Variants in PSMD8 observed in about 807,000 individuals in gnomAD.
PSMD8 encodes 26S proteasome non-ATPase regulatory subunit 8.
A neutral mutation model predicts 40.0 loss-of-function variants in PSMD8; 30 were observed. The ratio of observed to expected loss-of-function variants is 0.75; its 90% CI spans 0.56 to 1.02. The LOEUF (loss-of-function observed/expected upper bound fraction) is 1.02. Among genes scored for constraint, PSMD8 ranks in the 50% least tolerant of loss-of-function variants. The pLI is 0.00. For missense variants in PSMD8, 461 were observed against 463.9 expected (o/e 0.99, Z 0.06); for synonymous variants, 208 against 192.5 (o/e 1.08, Z -0.67).
chr19:38,382,643 T>G, intron 6 of PSMD8: 1 of 313,652 alleles, frequency 3.2e-6, no homozygotes. Flanking sequence ...CCAAGGTGGA[T>G]CCTCCCACCT....
At position 38,383,600 on chromosome 19, in the gene PSMD8, G is replaced by A; in HGVS notation, c.*210G>A. The A allele has an allele frequency of 1.5e-6, 1 of 654,326 alleles. No individual in the cohort carries two copies. The highest frequency in any genetic ancestry group is 2.9e-5 in the East Asian group (1 of 34,020). 40.5% of individuals were successfully genotyped at this position (654,326 alleles called of 1,614,324 possible). A position where few individuals can be genotyped will look rare whatever the true frequency, so the allele number is the denominator to read the frequency against. On this transcript the variant is annotated 3_prime_UTR_variant, in exon 7 of 7. Transcript: ENST00000215071. Reference sequence around the variant, plus strand: ...ATAGCCTCCAACTGGGTCAGCCTCTGTCTGGTGGGCATTGCTCAGGGTCTC... The same window carrying A: ...ATAGCCTCCAACTGGGTCAGCCTCTATCTGGTGGGCATTGCTCAGGGTCTC...
At position 38,374,664 on chromosome 19, in the gene PSMD8, C is replaced by G; in HGVS notation, c.63C>G (p.Gly21=). Residue 21 remains glycine, a synonymous_variant, in exon 1 of 7, where the codon GGC becomes GGG. Coordinates refer to ENST00000215071, the MANE Select transcript of PSMD8 (RefSeq NM_002812.5). The part of the protein sequence containing the change: ...PPRERRRATR[G]GLRQVVAPPR... ...GAGAGCGACGGCGGGCTACCCGGGG[C>G]GGGCTGAGGCAGGTTGTAGCCCCGC... 2 of 1,522,110 alleles carry G rather than the reference C, an allele frequency of 1.3e-6. No individual in the cohort carries two copies. The highest frequency in any genetic ancestry group is 1.4e-5 in the African/African-American group (1 of 70,988). 94.3% of individuals were successfully genotyped at this position (1,522,110 alleles called of 1,614,324 possible). A position where few individuals can be genotyped will look rare whatever the true frequency, so the allele number is the denominator to read the frequency against.
chr19:38,376,446 T>C lies in PSMD8; in HGVS notation c.528T>C (p.Phe176=). ...TGGCCCAGCTCAAATGCTACTACTT[T>C]GATTACAAGTGAGAATGGGCCCTGC... ...RYMAQLKCYY[F]DYKEQLPESA... is the part of the protein sequence containing the mutation. Residue 176 remains phenylalanine, a synonymous_variant, in exon 3 of 7, where the codon TTT becomes TTC. Coordinates refer to ENST00000215071, the MANE Select transcript of PSMD8 (RefSeq NM_002812.5). 1.3e-6 allele frequency: 2 copies of C among 1,549,942 alleles called. No individual in the cohort carries two copies. Among genetic ancestry groups the C allele is most frequent in the Non-Finnish European group, 1.7e-6 (2 of 1,145,312 alleles).
At position 38,383,361 on chromosome 19, in the gene PSMD8, T is replaced by A; in HGVS notation, c.1024T>A (p.Tyr342Asn). 1 of 1,613,712 alleles carries A rather than the reference T, an allele frequency of 6.2e-7. No individual in the cohort carries two copies. The highest frequency in any genetic ancestry group is 8.5e-7 in the Non-Finnish European group (1 of 1,179,838). Residue 342 changes from tyrosine to asparagine, a missense_variant, in exon 7 of 7, where the codon TAT becomes AAT. Tyr to Asn is a moderately radical substitution (Grantham distance 143). Transcript: ENST00000215071. ...STELAKQVIEYARQLEMIV is the reference protein window; with the variant it reads ...STELAKQVIENARQLEMIV ...AGAACTGGCCAAACAGGTCATCGAGTATGCCCGGCAGCTGGAGATGATCGT... is the reference window on the plus strand; with the variant it reads ...AGAACTGGCCAAACAGGTCATCGAGAATGCCCGGCAGCTGGAGATGATCGT...
At position 38,374,924 on chromosome 19, in the gene PSMD8, A is replaced by G. The variant is rs1452141831; in HGVS notation, c.323A>G (p.Asn108Ser). Residue 108 changes from asparagine to serine, a missense_variant, in exon 1 of 7, where the codon AAT becomes AGT. Around this residue, in one of 2 missense-constraint regions of PSMD8, gnomAD observed 236 missense variants for 321.2 expected, o/e 0.73. Transcript: ENST00000215071. ...GGCGAGTGGAACCGTAAAAGCCCCAATCTTAGCAAGTGCGGGGAAGAGCTG... is the reference window on the plus strand; with the variant it reads ...GGCGAGTGGAACCGTAAAAGCCCCAGTCTTAGCAAGTGCGGGGAAGAGCTG... ...LKGEWNRKSP[N>S]LSKCGEELGR... is the part of the protein sequence containing the mutation. 5 of 1,581,892 alleles carry G rather than the reference A, an allele frequency of 3.2e-6. No individual in the cohort carries two copies. The South Asian group carries it at 5.7e-5, about 18-fold the overall frequency.
chr19:38,383,220 C>T (rs1970657763), intron 6 of PSMD8, 33 bp from the exon 7 acceptor site: 2 of 1,611,768 alleles, frequency 1.2e-6, no homozygotes, highest in Admixed American at 1.7e-5. Context: ...TTTGTGATCA[C>T]TCTACTCGTC....
intron 3 of PSMD8, among the ~76,000 whole-genome samples, chr19:38,377,202 T>A (rs950429578): frequency 6.6e-6 from 1 of 152,214 alleles, no homozygotes; most frequent in Admixed American, 6.5e-5. Context: ...ATTTATTTAT[T>A]TTTGGAGACA....
Position 38,380,973 on chromosome 19 carries a change from CATT to C in PSMD8, c.778_780del (p.Ile260del). 1 of 1,586,114 alleles carries C rather than the reference CATT, an allele frequency of 6.3e-7. No individual in the cohort carries two copies. ...TCCCCGCCGAGAGCTACACCTTCTTCATTGACATCCTGCTCGACACTATCAGGT... is the reference window on the plus strand; with the variant it reads ...TCCCCGCCGAGAGCTACACCTTCTTCGACATCCTGCTCGACACTATCAGGT... On this transcript the variant is annotated inframe_deletion, in exon 5 of 7. Coordinates refer to ENST00000215071, the MANE Select transcript of PSMD8 (RefSeq NM_002812.5).
At chr19:38,383,158 AG>A (rs1430071689) in intron 6 of PSMD8, 94 bp from the exon 7 acceptor site, 7 of 1,501,662 alleles carry the variant, frequency 4.7e-6, no homozygotes, top group Non-Finnish European at 6.4e-6. Flanking sequence ...GTGAGAAAAG[AG>A]AGCATAGGAC....
In PSMD8 at chr19:38,382,171, G is replaced by A. The variant is rs1970646068; in HGVS notation, c.858G>A (p.Glu286=). The A allele has an allele frequency of 1.3e-6, 2 of 1,594,988 alleles. No homozygotes were observed. Among genetic ancestry groups the A allele is most frequent in the Non-Finnish European group, 1.7e-6 (2 of 1,171,264 alleles). ...CCTACGAGAAAATCCTTTTCACTGA[G>A]GCCACCCGGATCCTCTTCTTCAACA... is the stretch of plus-strand genomic sequence containing the variant. ...EKAYEKILFT[E]ATRILFFNTP... is the part of the protein sequence containing the mutation. The change falls in exon 6 of 7, where the codon GAG becomes GAA. Residue 286 remains glutamate (E), a synonymous_variant. Transcript: ENST00000215071.
chr19:38,375,118 C>T, intron 1 of PSMD8, 157 bp downstream of exon 1: 2 of 1,247,414 alleles, frequency 1.6e-6, no homozygotes, highest in Non-Finnish European at 2.2e-6. Flanking sequence ...TTGGAACAGC[C>T]AAAGTGGGGG....
chr19:38,376,030 AG>A, intron 1 of PSMD8, 129 bp from the exon 2 acceptor site: 1 of 890,928 alleles, frequency 1.1e-6, no homozygotes, highest in Non-Finnish European at 1.8e-6. Context: ...TTTATGAGAA[AG>A]CATTCCTCAT....
chr19:38,376,019 C>G, intron 1 of PSMD8, 141 bp from the exon 2 acceptor site: 2 of 809,962 alleles, frequency 2.5e-6, no homozygotes, highest in East Asian at 5.3e-5. Context: ...GTTCTGAGTG[C>G]TTTATGAGAA....
intron 6 of PSMD8, chr19:38,382,929 AAG>A (rs1568389039): frequency 2.9e-5 from 8 of 275,346 alleles, no homozygotes; most frequent in African/African-American, 8.9e-5. Flanking sequence ...AAAAAAAAAA[AAG>A]AAGAAGGTGA....
intron 1 of PSMD8, among the ~76,000 whole-genome samples, 184 bp from the exon 2 acceptor site, chr19:38,375,976 C>A (rs1970594222): frequency 1.3e-5 from 2 of 152,192 alleles, no homozygotes; most frequent in South Asian, 4.1e-4. Flanking sequence ...GTGATGTAAT[C>A]TTAAATGGGC....
In PSMD8 at chr19:38,374,900, G is replaced by A. The variant is rs1426485476; in HGVS notation, c.299G>A (p.Gly100Asp). The A allele has an allele frequency of 6.3e-7, 1 of 1,588,020 alleles. No homozygotes were observed. The highest frequency in any genetic ancestry group is 8.5e-7 in the Non-Finnish European group (1 of 1,175,080). Reference sequence around the variant, plus strand: ...ACCGGCATGTACGAGCAACTCAAGGGCGAGTGGAACCGTAAAAGCCCCAAT... The same window carrying A: ...ACCGGCATGTACGAGCAACTCAAGGACGAGTGGAACCGTAAAAGCCCCAAT... The part of the protein sequence containing the change: ...AATGMYEQLK[G>D]EWNRKSPNLS... The change falls in exon 1 of 7, where the codon GGC becomes GAC. Residue 100 changes from glycine to aspartate, a missense_variant. Physicochemically the swap from Gly to Asp is moderately conservative, Grantham distance 94. Coordinates refer to ENST00000215071, the MANE Select transcript of PSMD8 (RefSeq NM_002812.5).
Position 38,383,258 on chromosome 19 carries a change from G to T in PSMD8, c.921G>T (p.Gly307=), listed in dbSNP as rs749689455. 1 of 1,612,562 alleles carries T rather than the reference G, an allele frequency of 6.2e-7. No individual in the cohort carries two copies. The highest frequency in any genetic ancestry group is 1.3e-5 in the African/African-American group (1 of 74,830). Residue 307 remains glycine, a synonymous_variant, in exon 7 of 7, where the codon GGG becomes GGT. Transcript: ENST00000215071. ...TAATCCCTCCTTTCCTGCAGCGAGG[G>T]TGGGTCCTGGGCCCCAACAACTACT... The part of the protein sequence containing the change: ...KKMTDYAKKR[G]WVLGPNNYYS...
rs34190906 is a variant in PSMD8 at position 38,376,479 on chromosome 19, T to TG, written c.536+32dup. 134 of 1,520,458 alleles carry TG rather than the reference T, an allele frequency of 8.8e-5. No homozygotes were observed. In the East Asian group the frequency reaches 1.2e-3, roughly 14 times the overall value. 94.2% of individuals were successfully genotyped at this position (1,520,458 alleles called of 1,614,324 possible). A position where few individuals can be genotyped will look rare whatever the true frequency, so the allele number is the denominator to read the frequency against. ...AGTGAGAATGGGCCCTGCCCCCAAC[T>TG]GGGGGGGTGGTTGCATGGAAGCTCC... On this transcript the variant is annotated intron_variant, in intron 3 of 6. Coordinates refer to ENST00000215071, the MANE Select transcript of PSMD8 (RefSeq NM_002812.5).
chr19:38,380,782 G>A (rs1300481497), intron 4 of PSMD8, 117 bp from the exon 5 acceptor site: 9 of 744,246 alleles, frequency 1.2e-5, no homozygotes, highest in Non-Finnish European at 1.7e-5. Flanking sequence ...GGGCAGGGGT[G>A]TGGCTGTGTG....
Sources: allele counts gnomAD v4.1 joint callset (sites outside exome capture counted in the v4.1 genomes callset), GRCh38; gene constraint gnomAD v4.1.1; regional missense constraint gnomAD v4.1.1; transcripts MANE v1.5; gene names NCBI Gene and HGNC (gene_info 2026-07-23, HGNC 2026-07-21).